Variants in AHCY observed in about 807,000 individuals in gnomAD.
AHCY encodes adenosylhomocysteinase.
AHCY carries 24 observed loss-of-function variants against 45.4 expected under a neutral mutation model. That is an observed-to-expected ratio of 0.53 (90% confidence interval 0.38 to 0.74). The LOEUF is 0.74. Ranked by LOEUF, AHCY falls within the 30% of genes least tolerant of loss-of-function variation. The pLI is 0.00. For synonymous variants in AHCY, 245 were observed against 235.1 expected (o/e 1.04, Z -0.39); for missense variants, 449 against 594.1 (o/e 0.76, Z 2.54).
the AHCY span, chr20:34,269,246 C>A: frequency 2.1e-6 from 3 of 1,418,594 alleles, no homozygotes; most frequent in Non-Finnish European, 9.2e-7. Context: ...CCTAACAGGG[C>A]GGCTTCCCAG....
the AHCY span, chr20:34,260,647 G>A: frequency 1.2e-5 from 15 of 1,230,030 alleles, no homozygotes; most frequent in African/African-American, 4.5e-5. Context: ...CTTCTTGCTC[G>A]TTCCAGGAAA....
At chr20:34,234,788 TG>T in the AHCY span, 1 of 152,286 alleles carries the variant, frequency 6.6e-6, no homozygotes, top group Non-Finnish European at 1.5e-5. Flanking sequence ...TACTCCAGCC[TG>T]GGTGACAGAG....
At chr20:34,254,968 T>TCTGTTAACCC in the AHCY span, among the ~76,000 whole-genome samples, 1 of 152,304 alleles carries the variant, frequency 6.6e-6, no homozygotes, top group Non-Finnish European at 1.5e-5. Flanking sequence ...CGGGGGTTGG[T>TCTGTTAACCC]CTGTTTGTCT....
upstream of AHCY, among the ~76,000 whole-genome samples, chr20:34,306,661 G>A (rs1162877547): frequency 2.0e-5 from 3 of 152,078 alleles, no homozygotes; most frequent in Non-Finnish European, 4.4e-5. Flanking sequence ...AAGCCACCAC[G>A]CCCAGCCAGG....
intron 3 of AHCY, chr20:34,293,552 G>T: frequency 4.0e-6 from 1 of 247,572 alleles, no homozygotes; most frequent in Non-Finnish European, 7.9e-6. Context: ...GTGAAGGAGT[G>T]CTGTGCCACC....
At chr20:34,298,319 A>G (rs566835522) in intron 1 of AHCY, among the ~76,000 whole-genome samples, 73 of 152,208 alleles carry the variant, frequency 4.8e-4, no homozygotes, top group Non-Finnish European at 8.5e-4. Flanking sequence ...GTTTGTAGCA[A>G]TTACTTTTTA....
At position 34,290,678 on chromosome 20, in the gene AHCY, T is replaced by C. The variant is rs1361550929; in HGVS notation, c.767-40A>G. 1.2e-6 allele frequency: 2 copies of C among 1,613,898 alleles called. No homozygotes were observed. Among genetic ancestry groups the C allele is most frequent in the South Asian group, 2.2e-5 (2 of 91,060 alleles). ...TGGCTGTGGGTCATCTACGGTGGCC[T>C]TGCCCCTCCCTCTGGCCCCAGTGGC... On this transcript the variant is annotated intron_variant, in intron 6 of 9. Transcript: ENST00000217426. This position sits in a 1 kb window ranked among gnomAD's most constrained non-coding sequence, Gnocchi z 4.5.
intron 1 of AHCY, among the ~76,000 whole-genome samples, chr20:34,298,122 G>A (rs1350978398): frequency 1.3e-5 from 2 of 152,118 alleles, no homozygotes; most frequent in African/African-American, 4.8e-5. Context: ...CTGGGTGACA[G>A]AGTGAGACTC....
At chr20:34,297,361 G>A (rs973989320) in intron 1 of AHCY, among the ~76,000 whole-genome samples, 3 of 151,644 alleles carry the variant, frequency 2.0e-5, no homozygotes, top group African/African-American at 4.8e-5. Context: ...GCGCGATCTC[G>A]GCCCACTGCA....
chr20:34,305,212 T>C (rs1381463956), upstream of AHCY, among the ~76,000 whole-genome samples: 1 of 150,402 alleles, frequency 6.6e-6, no homozygotes, highest in Non-Finnish European at 1.5e-5. Flanking sequence ...TAGTCCCAGC[T>C]ACTCGCAAGG....
At chr20:34,259,143 G>A in the AHCY span, among the ~76,000 whole-genome samples, 1 of 151,812 alleles carries the variant, frequency 6.6e-6, no homozygotes, top group Non-Finnish European at 1.5e-5. Context: ...CTGGGAGGTT[G>A]AGACTGCAGT....
chr20:34,272,989 C>A, the AHCY span, among the ~76,000 whole-genome samples: 1 of 152,226 alleles, frequency 6.6e-6, no homozygotes, highest in Non-Finnish European at 1.5e-5. Context: ...GCTTCTGCGT[C>A]CTCCCTGGGC....
At chr20:34,272,420 C>G in the AHCY span, among the ~76,000 whole-genome samples, 1 of 152,206 alleles carries the variant, frequency 6.6e-6, no homozygotes, top group Non-Finnish European at 1.5e-5. Context: ...CCAACACTAT[C>G]TACTTGGAGA....
At chr20:34,245,621 C>T in the AHCY span, among the ~76,000 whole-genome samples, 1 of 151,800 alleles carries the variant, frequency 6.6e-6, no homozygotes, top group Non-Finnish European at 1.5e-5. Flanking sequence ...GAACTCCTGA[C>T]CTCATGATCC....
At chr20:34,259,018 T>C in the AHCY span, among the ~76,000 whole-genome samples, 1 of 147,324 alleles carries the variant, frequency 6.8e-6, no homozygotes, top group South Asian at 2.1e-4. Flanking sequence ...ACCTGGGTAA[T>C]AGAGTGAGCC....
At chr20:34,253,447 TTTTATTTATTTA>T in the AHCY span, among the ~76,000 whole-genome samples, 36 of 103,808 alleles carry the variant, frequency 3.5e-4, no homozygotes, top group East Asian at 1.5e-3. Flanking sequence ...TTTTATTTTA[TTTTATTTATTTA>T]TTTATTTATT....
At chr20:34,287,200 C>T (rs1018486359) in intron 8 of AHCY, among the ~76,000 whole-genome samples, 9 of 152,048 alleles carry the variant, frequency 5.9e-5, no homozygotes, top group African/African-American at 2.2e-4. Context: ...TCAATAAGCA[C>T]TCACTGATAC....
At chr20:34,261,308 G>A in the AHCY span, among the ~76,000 whole-genome samples, 63 of 152,264 alleles carry the variant, frequency 4.1e-4, no homozygotes, top group African/African-American at 1.4e-3. Flanking sequence ...AGACCAGACT[G>A]AGCGACATAG....
intron 1 of AHCY, among the ~76,000 whole-genome samples, chr20:34,297,634 C>T (rs923594726): frequency 1.3e-5 from 2 of 152,092 alleles, no homozygotes; most frequent in African/African-American, 4.8e-5. Flanking sequence ...AGACACATAG[C>T]ACATTGCAGC....
Sources: allele counts gnomAD v4.1 joint callset (sites outside exome capture counted in the v4.1 genomes callset), GRCh38; gene constraint gnomAD v4.1.1; non-coding constraint Gnocchi (gnomAD v3.1); transcripts MANE v1.5; gene names NCBI Gene and HGNC (gene_info 2026-07-23, HGNC 2026-07-21).